The following ANXA8 variants were observed in gnomAD, a reference collection of about 807,000 sequenced individuals.
ANXA8 encodes the protein annexin A8.
ANXA8 carries 9 observed loss-of-function variants against 26.8 expected under a neutral mutation model. That is an observed-to-expected ratio of 0.34 (90% CI 0.20 to 0.59). The LOEUF (loss-of-function observed/expected upper bound fraction) is 0.59. ANXA8 is among the 20% of genes least tolerant of loss of function. ANXA8 has a pLI of 0.84. For missense variants in ANXA8, 83 were observed against 238.5 expected (o/e 0.35, Z 4.29); for synonymous variants, 39 against 94.8 (o/e 0.41, Z 3.42).
the ANXA8 span, chr10:47,730,300 T>A: frequency 1.7e-6 from 1 of 576,384 alleles, no homozygotes; most frequent in Admixed American, 3.3e-5. Context: ...TTGTTGGCAG[T>A]CAGCGCAGAA....
chr10:47,499,823 C>T, the ANXA8 span, among the ~76,000 whole-genome samples: 1 of 123,040 alleles, frequency 8.1e-6, no homozygotes, highest in Non-Finnish European at 1.7e-5. Context: ...AGTGCAGTGG[C>T]ATGAATATGG....
chr10:47,760,997 G>A, the ANXA8 span: 1 of 1,456,306 alleles, frequency 6.9e-7, no homozygotes, highest in Non-Finnish European at 9.2e-7. Context: ...CGCTCAGCCA[G>A]GACGGTTGAG....
chr10:47,655,694 C>T, the ANXA8 span, among the ~76,000 whole-genome samples: 1 of 151,944 alleles, frequency 6.6e-6, no homozygotes, highest in Non-Finnish European at 1.5e-5. Flanking sequence ...GTTCCCAAGT[C>T]TTTAGTGAAC....
chr10:47,900,274 C>T, the ANXA8 span, among the ~76,000 whole-genome samples: 1 of 151,666 alleles, frequency 6.6e-6, no homozygotes, highest in African/African-American at 2.4e-5. Flanking sequence ...TCTAGTATCA[C>T]TTATCATTTG....
chr10:47,484,208 T>C (rs1322228946), upstream of ANXA8: 2 of 747,122 alleles, frequency 2.7e-6, no homozygotes, highest in Non-Finnish European at 4.8e-6. Flanking sequence ...TGGCAGATAT[T>C]TGGGCTGTGG....
At chr10:47,498,436 G>A in the ANXA8 span, among the ~76,000 whole-genome samples, 1 of 142,192 alleles carries the variant, frequency 7.0e-6, no homozygotes, top group African/African-American at 2.6e-5. Context: ...TTTGACGAGT[G>A]TGAATACCAC....
chr10:47,548,635 A>T, the ANXA8 span, among the ~76,000 whole-genome samples: 1 of 145,772 alleles, frequency 6.9e-6, no homozygotes, highest in African/African-American at 2.5e-5. Flanking sequence ...GCTAATGTAA[A>T]AGATCATAGA....
At chr10:47,953,577 G>A in the ANXA8 span, among the ~76,000 whole-genome samples, 6 of 150,572 alleles carry the variant, frequency 4.0e-5, no homozygotes, top group Non-Finnish European at 5.9e-5. Context: ...AAGTTAAAAA[G>A]CTGCACAGCA....
chr10:47,748,211 TTTA>T, the ANXA8 span, among the ~76,000 whole-genome samples: 1 of 149,566 alleles, frequency 6.7e-6, no homozygotes, highest in African/African-American at 2.5e-5. Flanking sequence ...ATACTTTTTT[TTTA>T]TTATTATTTT....
chr10:47,503,775 G>GA, the ANXA8 span, among the ~76,000 whole-genome samples: 2 of 123,010 alleles, frequency 1.6e-5, no homozygotes, highest in Admixed American at 8.7e-5. Flanking sequence ...AAAAAAAAAA[G>GA]AAAAAAAAAT....
the ANXA8 span, among the ~76,000 whole-genome samples, chr10:47,639,458 G>C: frequency 2.0e-5 from 3 of 152,286 alleles, no homozygotes; most frequent in Non-Finnish European, 4.4e-5. Context: ...GACTATAGGC[G>C]CCCGCCACCG....
chr10:47,558,886 C>T, the ANXA8 span, among the ~76,000 whole-genome samples: 1 of 151,492 alleles, frequency 6.6e-6, no homozygotes, highest in Non-Finnish European at 1.5e-5. Context: ...TAAGATCCTT[C>T]TTGCTTCATT....
At chr10:47,502,461 T>C in the ANXA8 span, 2 of 1,612,812 alleles carry the variant, frequency 1.2e-6, no homozygotes, top group Non-Finnish European at 1.7e-6. Flanking sequence ...TCGTGGACTT[T>C]ATTGAGGGTT....
At chr10:47,580,623 G>T in the ANXA8 span, among the ~76,000 whole-genome samples, 2 of 150,452 alleles carry the variant, frequency 1.3e-5, no homozygotes, top group Admixed American at 1.3e-4. Context: ...AATACCTGTA[G>T]CCCCAGCTAC....
chr10:47,646,894 G>A, the ANXA8 span, among the ~76,000 whole-genome samples: 1 of 152,020 alleles, frequency 6.6e-6, no homozygotes. Context: ...CATTTATGAG[G>A]GCCTATGCCA....
chr10:47,709,840 G>A, the ANXA8 span, among the ~76,000 whole-genome samples: 1 of 78,096 alleles, frequency 1.3e-5, no homozygotes, highest in South Asian at 4.8e-4. Flanking sequence ...AGGATAGTTG[G>A]GAAAGCAGGA....
At chr10:47,694,248 T>A in the ANXA8 span, among the ~76,000 whole-genome samples, 1 of 151,268 alleles carries the variant, frequency 6.6e-6, no homozygotes, top group Non-Finnish European at 1.5e-5. Context: ...AAAAAGAGGA[T>A]CTAGTTCACC....
At chr10:47,718,478 C>CAA in the ANXA8 span, among the ~76,000 whole-genome samples, 4,961 of 85,324 alleles carry the variant, frequency 0.058, 1 homozygote, top group African/African-American at 0.095. Context: ...CTCAAAACAA[C>CAA]AAAAAATAAT....
rs1303367963 is a variant in ANXA8, at chr10:47,470,269, C to G, written c.924+993G>C. On this transcript the variant is annotated intron_variant, in intron 11 of 11. Coordinates refer to ENST00000585281, the MANE Select transcript of ANXA8 (RefSeq NM_001040084.3). The stretch of plus-strand genomic sequence containing the variant: ...ACGTTTGGTCAATGTATTCATGATT[C>G]TAACTCAATTTTCTTAAGTAACAAC... 6.0e-5 allele frequency among the ~76,000 whole-genome samples: 9 copies of G among 151,212 alleles called. 1 individual carries two copies. The highest frequency in any genetic ancestry group is 3.2e-3 in the Middle Eastern group (1 of 312).
Sources: gnomAD v4.1 joint callset for allele counts (sites outside exome capture counted in the v4.1 genomes callset) on GRCh38, gnomAD v4.1.1 for gene constraint, MANE v1.5 for transcripts, NCBI Gene and HGNC (gene_info 2026-07-23, HGNC 2026-07-21) for gene names.